Variants in RANBP17 observed in about 807,000 individuals in gnomAD.
RANBP17 encodes RAN binding protein 17.
RANBP17 carries 158 observed loss-of-function variants against 141.2 expected under a neutral mutation model. That is an observed-to-expected ratio of 1.12 (90% CI 0.98 to 1.28). The LOEUF (loss-of-function observed/expected upper bound fraction) is 1.28, where lower values mean the gene tolerates loss of function less well. Among genes scored for constraint, RANBP17 ranks in the 50% most tolerant of loss-of-function variants. RANBP17 has a pLI of 0.00. For missense variants in RANBP17, 1,438 were observed against 1,290.7 expected (o/e 1.11, Z -1.75); for synonymous variants, 430 against 450.0 (o/e 0.96, Z 0.56).
chr5:170,991,816 G>T (rs1778529407), intron 14 of RANBP17, among the ~76,000 whole-genome samples: 1 of 151,872 alleles, frequency 6.6e-6, no homozygotes. Context: ...AGAATAAGAA[G>T]AACTATTTTT....
At chr5:170,911,199 C>T (rs1423454714) in intron 7 of RANBP17, 65 bp downstream of exon 7, 1 of 1,417,556 alleles carries the variant, frequency 7.1e-7, no homozygotes, top group Non-Finnish European at 9.8e-7. Flanking sequence ...AATATAGTTT[C>T]TGTATGTATA....
rs79811475 is a variant in RANBP17, at chr5:171,074,103, A to T, written c.1711-96027A>T. Among the ~76,000 whole-genome samples, 1,470 of 152,288 alleles carry T rather than the reference A, an allele frequency of 9.7e-3. 61 individuals are homozygous for T. Among genetic ancestry groups the T allele is most frequent in the East Asian group, 0.082 (423 of 5,182 alleles). On this transcript the variant is annotated intron_variant, in intron 14 of 27. Transcript: ENST00000523189. ...ACAATATGGAAAAGAAAAAAGGAATAACTTTATAGTTAGGAAATCAGTCAG... is the reference window on the plus strand; with the variant it reads ...ACAATATGGAAAAGAAAAAAGGAATTACTTTATAGTTAGGAAATCAGTCAG...
chr5:170,919,550 A>C lies in RANBP17; in HGVS notation c.1211A>C (p.Tyr404Ser), dbSNP rs561704381. Residue 404 changes from tyrosine (Y) to serine (S), a missense_variant, in exon 11 of 28, where the codon TAT becomes TCT. Physicochemically the swap from Tyr to Ser is moderately radical, Grantham distance 144 (BLOSUM62 -2). Transcript: ENST00000523189. ...ACTGAACCCCACCTATTAGACACTTATGCACCAGAAATCACGAAGGCCTTT... is the reference window on the plus strand; with the variant it reads ...ACTGAACCCCACCTATTAGACACTTCTGCACCAGAAATCACGAAGGCCTTT... ...KSTEPHLLDT[Y>S]APEITKAFIT... 1 of 1,611,446 alleles carries C rather than the reference A, an allele frequency of 6.2e-7. No individual in the cohort carries two copies. The highest frequency in any genetic ancestry group is 8.5e-7 in the Non-Finnish European group (1 of 1,178,982).
chr5:171,015,146 A>G lies in RANBP17; in HGVS notation c.1710+46769A>G, dbSNP rs536676331. On this transcript the variant is annotated intron_variant, in intron 14 of 27. Coordinates refer to ENST00000523189, the MANE Select transcript of RANBP17 (RefSeq NM_022897.5). ...TATTGTGTGCCTTGGTTGTTTTCTT[A>G]TATTTCTTGTGCTTGGAGTTGAGCT... Among the ~76,000 whole-genome samples the G allele has an allele frequency of 2.0e-5, 3 of 152,066 alleles. No homozygotes were observed. In the East Asian group the frequency reaches 5.8e-4, roughly 29 times the overall value.
At chr5:171,260,757 A>G (rs943617998) in intron 24 of RANBP17, among the ~76,000 whole-genome samples, 1 of 152,038 alleles carries the variant, frequency 6.6e-6, no homozygotes, top group Non-Finnish European at 1.5e-5. Context: ...TTGGATAGAG[A>G]GTGTCTAAAT....
At chr5:171,103,546 G>A (rs1471259351) in intron 14 of RANBP17, among the ~76,000 whole-genome samples, 1 of 152,116 alleles carries the variant, frequency 6.6e-6, no homozygotes, top group African/African-American at 2.4e-5. Flanking sequence ...CTCCGTGGGG[G>A]TGAGATCTGC....
At chr5:170,928,846 G>C (rs1341103353) in intron 12 of RANBP17, among the ~76,000 whole-genome samples, 1 of 151,052 alleles carries the variant, frequency 6.6e-6, no homozygotes. Context: ...CAGCATCTCA[G>C]TTTCTTCAAA....
At chr5:171,040,757 CTT>C (rs1256655091) in intron 14 of RANBP17, among the ~76,000 whole-genome samples, 1 of 152,128 alleles carries the variant, frequency 6.6e-6, no homozygotes, top group Non-Finnish European at 1.5e-5. Context: ...AAAAAGTTAA[CTT>C]TTGAAACAGA....
chr5:170,995,157 C>T lies in RANBP17; in HGVS notation c.1710+26780C>T, dbSNP rs367627954. Reference sequence around the variant, plus strand: ...AATTATTAAGATTTTTATGATCTTACGTGGTGATTTTATGTGTTACAGTTG... The same window carrying T: ...AATTATTAAGATTTTTATGATCTTATGTGGTGATTTTATGTGTTACAGTTG... On this transcript the variant is annotated intron_variant, in intron 14 of 27. Coordinates refer to ENST00000523189, the MANE Select transcript of RANBP17 (RefSeq NM_022897.5). Among the ~76,000 whole-genome samples the T allele has an allele frequency of 9.9e-5, 15 of 152,102 alleles. No homozygotes were observed. The East Asian group carries it at 2.5e-3, about 25-fold the overall frequency.
At chr5:171,139,781 T>C (rs1757568262) in intron 14 of RANBP17, among the ~76,000 whole-genome samples, 1 of 152,196 alleles carries the variant, frequency 6.6e-6, no homozygotes, top group Non-Finnish European at 1.5e-5. Context: ...CATTGTACAA[T>C]TGTAGCCAGG....
intron 14 of RANBP17, among the ~76,000 whole-genome samples, chr5:171,017,179 A>G (rs901707438): frequency 5.3e-5 from 8 of 152,064 alleles, no homozygotes; most frequent in Non-Finnish European, 8.8e-5. Flanking sequence ...AGTTGGTTCT[A>G]TGTCTTTGCT....
intron 13 of RANBP17, among the ~76,000 whole-genome samples, chr5:170,958,232 CT>C (rs1650706179): frequency 6.6e-6 from 1 of 152,208 alleles, no homozygotes; most frequent in Admixed American, 6.5e-5. Context: ...CTTTTCCACA[CT>C]TCTTAGTTAT....
intron 12 of RANBP17, among the ~76,000 whole-genome samples, chr5:170,930,534 A>G (rs1773276293): frequency 6.6e-6 from 1 of 151,894 alleles, no homozygotes; most frequent in Non-Finnish European, 1.5e-5. Flanking sequence ...TACATTAGGT[A>G]TATCTCCTAA....
intron 7 of RANBP17, chr5:170,911,454 C>T: frequency 4.6e-6 from 3 of 656,730 alleles, no homozygotes; most frequent in Non-Finnish European, 8.5e-6. Context: ...GACAGGATCC[C>T]ACTCTGTTTA....
intron 14 of RANBP17, among the ~76,000 whole-genome samples, chr5:171,072,694 C>T (rs1029844397): frequency 3.3e-5 from 5 of 152,122 alleles, no homozygotes; most frequent in African/African-American, 1.2e-4. Flanking sequence ...AATGGCATAG[C>T]CACTTTGGAA....
intron 18 of RANBP17, among the ~76,000 whole-genome samples, chr5:171,199,262 C>T (rs1196813295): frequency 6.6e-6 from 1 of 151,936 alleles, no homozygotes; most frequent in African/African-American, 2.4e-5. Flanking sequence ...TATCTGGGCA[C>T]CTGAGTCTTT....
intron 14 of RANBP17, among the ~76,000 whole-genome samples, chr5:171,168,714 G>A (rs141663310): frequency 3.9e-5 from 6 of 152,262 alleles, no homozygotes; most frequent in African/African-American, 1.4e-4. Context: ...AATCTTGTTA[G>A]AGATGAAGGC....
intron 24 of RANBP17, among the ~76,000 whole-genome samples, chr5:171,250,887 G>A (rs1056399777): frequency 3.3e-5 from 5 of 152,064 alleles, no homozygotes; most frequent in African/African-American, 1.2e-4. Flanking sequence ...TAATAGTGGA[G>A]GACTTCAACA....
At chr5:171,241,248 T>C in intron 23 of RANBP17, 106 bp downstream of exon 23, 1 of 848,406 alleles carries the variant, frequency 1.2e-6, no homozygotes, top group Non-Finnish European at 1.8e-6. Flanking sequence ...TAGAACATTT[T>C]ATGTTTTAAG....
Sources: allele counts gnomAD v4.1 joint callset (sites outside exome capture counted in the v4.1 genomes callset), GRCh38; gene constraint gnomAD v4.1.1; transcripts MANE v1.5; gene names NCBI Gene and HGNC (gene_info 2026-07-23, HGNC 2026-07-21).